Variants in ADGRV1 observed in about 807,000 individuals in gnomAD.
The protein encoded by ADGRV1 is adhesion G protein-coupled receptor V1.
Under a neutral mutation model 596.2 loss-of-function variants are expected in ADGRV1, and 359 were observed. That is an observed-to-expected ratio of 0.60 (90% CI 0.55 to 0.66). ADGRV1 has a LOEUF of 0.66. Among genes scored for constraint, ADGRV1 ranks in the 30% least tolerant of loss-of-function variants. The probability of loss-of-function intolerance (pLI) is 0.00; values close to 1 mark genes in which losing one functional copy is unlikely to be tolerated. For synonymous variants in ADGRV1, 2,681 were observed against 2,679.2 expected, an observed-to-expected ratio of 1.00 and a Z score of -0.02; for missense variants, 7,274 against 7,575.6, an observed-to-expected ratio of 0.96 and a Z score of 1.48.
Position 90,823,442 on chromosome 5 carries a change from A to G in ADGRV1, c.16214A>G (p.Lys5405Arg), listed in dbSNP as rs765084911. ...GCTCACAGGGCCTTTGAAGATGTCA[A>G]GGTCTTTTGGCGAGTCACACTTAAC... is the stretch of plus-strand genomic sequence containing the variant. Reference protein sequence around the residue: ...RQPNRAFEDVKVFWRVTLNKT... With the variant: ...RQPNRAFEDVRVFWRVTLNKT... Residue 5405 changes from lysine (K) to arginine (R), a missense_variant, in exon 76 of 90, where the codon AAG becomes AGG. By Grantham distance (26) the Lys-to-Arg change is conservative. Coordinates refer to ENST00000405460, the MANE Select transcript of ADGRV1 (RefSeq NM_032119.4). The G allele has an allele frequency of 6.2e-6, 10 of 1,613,708 alleles. No individual in the cohort carries two copies. Among genetic ancestry groups the G allele is most frequent in the Non-Finnish European group, 8.5e-6 (10 of 1,179,862 alleles).
intron 74 of ADGRV1, among the ~76,000 whole-genome samples, chr5:90,813,065 G>A (rs1302133114): frequency 2.2e-5 from 3 of 137,384 alleles, no homozygotes; most frequent in African/African-American, 5.4e-5. Context: ...CCTGGGAGAC[G>A]GAGCTTGCAG....
intron 77 of ADGRV1, among the ~76,000 whole-genome samples, chr5:90,837,526 A>G (rs1405986545): frequency 2.0e-5 from 3 of 152,034 alleles, no homozygotes; most frequent in South Asian, 2.1e-4. Context: ...ACCCACCATC[A>G]TGACCGGCTA....
In ADGRV1 at chr5:90,694,410, G is replaced by T. The variant is rs771130145; in HGVS notation, c.7654G>T (p.Ala2552Ser). Residue 2552 changes from alanine (A) to serine (S), a missense_variant, in exon 33 of 90, where the codon GCC becomes TCC. Ala to Ser is a moderately conservative substitution (Grantham distance 99). Transcript: ENST00000405460. ...LLEVHLMNIS[A>S]SLKNQPTIGQ... The stretch of plus-strand genomic sequence containing the variant: ...TGAAGTTCACCTCATGAACATTTCA[G>T]CCAGTTTGAAAAATCAGCCAACCAT... 6.2e-7 allele frequency: 1 copy of T among 1,613,970 alleles called. No individual in the cohort carries two copies. The highest frequency in any genetic ancestry group is 8.5e-7 in the Non-Finnish European group (1 of 1,179,862).
At chr5:90,805,713 G>GTGT (rs1302513525) in intron 72 of ADGRV1, among the ~76,000 whole-genome samples, 2 of 152,144 alleles carry the variant, frequency 1.3e-5, no homozygotes, top group African/African-American at 4.8e-5. Flanking sequence ...CCATACAATA[G>GTGT]GAGTTTGTTG....
At chr5:90,797,541 C>T (rs1581156291) in intron 70 of ADGRV1, among the ~76,000 whole-genome samples, 1 of 152,062 alleles carries the variant, frequency 6.6e-6, no homozygotes, top group African/African-American at 2.4e-5. Context: ...GACTTTAACA[C>T]CCCACTGTCA....
intron 1 of ADGRV1, among the ~76,000 whole-genome samples, chr5:90,585,730 C>G (rs1012555196): frequency 6.6e-6 from 1 of 152,182 alleles, no homozygotes; most frequent in South Asian, 2.1e-4. Context: ...GAGAAGCAGT[C>G]CCGCATGTTA....
Position 90,697,245 on chromosome 5 carries a change from T to A in ADGRV1, c.8155+99T>A. ...CTTGATAGTTTTTCCCTTTCATTAT[T>A]TTGTTGAACTGTGTGTGTGTTAATC... On this transcript the variant is annotated intron_variant, in intron 34 of 89. Coordinates refer to ENST00000405460, the MANE Select transcript of ADGRV1 (RefSeq NM_032119.4). 2.8e-6 allele frequency: 3 copies of A among 1,079,444 alleles called. No homozygotes were observed. The South Asian group carries it at 4.7e-5, about 17-fold the overall frequency. 66.9% of individuals were successfully genotyped at this position (1,079,444 alleles called of 1,614,324 possible).
chr5:90,817,289 G>C (rs1430994422), intron 75 of ADGRV1, among the ~76,000 whole-genome samples: 2 of 151,324 alleles, frequency 1.3e-5, no homozygotes, highest in Admixed American at 1.3e-4. Flanking sequence ...ATTTGTTTGA[G>C]TTCATTGTAG....
chr5:91,016,764 C>T (rs1340269800), intron 85 of ADGRV1, among the ~76,000 whole-genome samples: 1 of 151,778 alleles, frequency 6.6e-6, no homozygotes, highest in Non-Finnish European at 1.5e-5. Context: ...TTCATCAATT[C>T]AATAAATATT....
In ADGRV1 at chr5:90,674,244, T is replaced by C; in HGVS notation, c.5110+10T>C. On this transcript the variant is annotated intron_variant, in intron 23 of 89. Coordinates refer to ENST00000405460, the MANE Select transcript of ADGRV1 (RefSeq NM_032119.4). Reference sequence around the variant, plus strand: ...AGTGATCATCCATATGGTAACCTGCTCCTTTTGCAAGAAAAATCCTCTCTT... The same window carrying C: ...AGTGATCATCCATATGGTAACCTGCCCCTTTTGCAAGAAAAATCCTCTCTT... The C allele has an allele frequency of 6.4e-7, 1 of 1,551,000 alleles. No individual in the cohort carries two copies.
rs747228523 is a variant in ADGRV1, at chr5:90,712,379, G to T, written c.9135G>T (p.Leu3045=). 3.8e-6 allele frequency: 6 copies of T among 1,587,300 alleles called. No individual in the cohort carries two copies. Among genetic ancestry groups the T allele is most frequent in the Non-Finnish European group, 5.2e-6 (6 of 1,163,688 alleles). The stretch of plus-strand genomic sequence containing the variant: ...CAGAAGGAGATGAAAAATTTCAGCT[G>T]ATTTTAACAAATCCTTCTCCTGGAC... ...DIPEGDEKFQ[L]ILTNPSPGLE... The change falls in exon 42 of 90, where the codon CTG becomes CTT. Residue 3045 remains leucine, a synonymous_variant. Transcript: ENST00000405460.
Position 90,897,039 on chromosome 5 carries a change from C to T in ADGRV1, c.17856+33182C>T, listed in dbSNP as rs4643990. ...GCTTTAGGGAGTGAAGTGATTCTTT[C>T]ACATGTATTTGCTTCTGAAATAGCT... On this transcript the variant is annotated intron_variant, in intron 83 of 89. Transcript: ENST00000405460. 6.3e-3 allele frequency among the ~76,000 whole-genome samples: 956 copies of T among 152,324 alleles called. 37 individuals carry two copies. In the East Asian group the frequency reaches 0.08, roughly 13 times the overall value.
At chr5:90,739,619 T>G (rs1033038397) in intron 50 of ADGRV1, among the ~76,000 whole-genome samples, 3 of 152,194 alleles carry the variant, frequency 2.0e-5, no homozygotes, top group Admixed American at 2.0e-4. Context: ...GTTGGGGTCT[T>G]CAGTAAGTCA....
chr5:91,075,792 T>G (rs948007563), intron 86 of ADGRV1, among the ~76,000 whole-genome samples: 3 of 151,944 alleles, frequency 2.0e-5, no homozygotes, highest in Admixed American at 6.6e-5. Context: ...CAGTCAAGGT[T>G]TCTCTCATTG....
chr5:90,688,178 G>A (rs977192301), intron 29 of ADGRV1, among the ~76,000 whole-genome samples: 457 of 152,162 alleles, frequency 3.0e-3, no homozygotes, highest in African/African-American at 0.01. Flanking sequence ...AAACAGCATG[G>A]TACTGGTACC....
chr5:90,921,796 G>GT (rs571601390), intron 83 of ADGRV1, among the ~76,000 whole-genome samples: 10,952 of 124,394 alleles, frequency 0.088, 653 homozygotes, highest in Non-Finnish European at 0.13. Context: ...GTTGTGTCTT[G>GT]TTTTTTTTTT....
At chr5:90,819,864 G>C (rs1035782963) in intron 75 of ADGRV1, among the ~76,000 whole-genome samples, 1 of 152,120 alleles carries the variant, frequency 6.6e-6, no homozygotes, top group Non-Finnish European at 1.5e-5. Flanking sequence ...AATAGGTGTG[G>C]TGTGGTGCTG....
At chr5:91,087,165 C>A (rs1284157858) in intron 86 of ADGRV1, among the ~76,000 whole-genome samples, 7 of 152,182 alleles carry the variant, frequency 4.6e-5, no homozygotes, top group Non-Finnish European at 1.0e-4. Context: ...ATAGGAAGAA[C>A]CTCTTGTTTT....
intron 59 of ADGRV1, among the ~76,000 whole-genome samples, chr5:90,773,788 G>A (rs1176513967): frequency 6.6e-6 from 1 of 152,150 alleles, no homozygotes; most frequent in Non-Finnish European, 1.5e-5. Flanking sequence ...GCATCTCAGG[G>A]CTGTGGTTGC....
Sources: allele counts gnomAD v4.1 joint callset (sites outside exome capture counted in the v4.1 genomes callset), GRCh38; gene constraint gnomAD v4.1.1; transcripts MANE v1.5; gene names NCBI Gene and HGNC (gene_info 2026-07-23, HGNC 2026-07-21).